Variants in LGALS8 observed in about 807,000 individuals in gnomAD.
LGALS8 encodes the protein galectin-8.
A neutral mutation model predicts 35.9 loss-of-function variants in LGALS8; 30 were observed. The observed-to-expected ratio is 0.83, with a 90% CI of 0.62 to 1.13. The LOEUF (loss-of-function observed/expected upper bound fraction) is 1.13, where lower values mean the gene tolerates loss of function less well. LGALS8 is among the 50% of genes most tolerant of loss of function. LGALS8 has a pLI of 0.00. For synonymous variants in LGALS8, 138 were observed against 136.1 expected, an observed-to-expected ratio of 1.01 and a Z score of -0.10; for missense variants, 366 against 388.7, an observed-to-expected ratio of 0.94 and a Z score of 0.49.
upstream of LGALS8, among the ~76,000 whole-genome samples, chr1:236,522,200 C>T (rs1188967544): frequency 6.6e-6 from 1 of 152,214 alleles, no homozygotes; most frequent in African/African-American, 2.4e-5. Flanking sequence ...GTTAACTCTG[C>T]TCTCTGGCCC....
chr1:236,535,382 AGT>A (rs1300993928), intron 2 of LGALS8, among the ~76,000 whole-genome samples: 1 of 152,000 alleles, frequency 6.6e-6, no homozygotes, highest in Admixed American at 6.6e-5. Context: ...TACAGGATAC[AGT>A]GTGTATTAGC....
intron 1 of LGALS8, among the ~76,000 whole-genome samples, 153 bp from the exon 2 acceptor site, chr1:236,525,815 C>T (rs1397249906): frequency 6.6e-6 from 1 of 152,130 alleles, no homozygotes; most frequent in Non-Finnish European, 1.5e-5. Flanking sequence ...TATGAGCACA[C>T]TGGTAAGAAT....
chr1:236,529,583 A>G (rs1169262557), intron 2 of LGALS8, among the ~76,000 whole-genome samples: 1 of 147,506 alleles, frequency 6.8e-6, no homozygotes, highest in African/African-American at 2.5e-5. Context: ...CTTCATCTCA[A>G]AAAAAAAAAA....
upstream of LGALS8, among the ~76,000 whole-genome samples, chr1:236,520,740 G>A (rs1301213301): frequency 6.6e-6 from 1 of 152,138 alleles, no homozygotes; most frequent in Non-Finnish European, 1.5e-5. Flanking sequence ...GGCTGTCCGA[G>A]GTGATTTTCT....
At chr1:236,533,176 C>G (rs559227803) in intron 2 of LGALS8, among the ~76,000 whole-genome samples, 25 of 152,298 alleles carry the variant, frequency 1.6e-4, no homozygotes, top group African/African-American at 5.8e-4. Context: ...GAAGATGGGT[C>G]TTGTCTTTTC....
intron 2 of LGALS8, among the ~76,000 whole-genome samples, chr1:236,537,093 T>C (rs1004710521): frequency 2.0e-5 from 3 of 148,694 alleles, no homozygotes; most frequent in Non-Finnish European, 4.4e-5. Context: ...CTCGGCTCAC[T>C]GCAAGCTCCG....
chr1:236,529,933 G>A (rs1661055636), intron 2 of LGALS8, among the ~76,000 whole-genome samples: 4 of 152,196 alleles, frequency 2.6e-5, no homozygotes. Context: ...GATTATAGGC[G>A]TGAACCACCG....
Position 236,552,465 on chromosome 1 carries a change from C to T in LGALS8, c.*4304C>T, listed in dbSNP as rs577885974. On this transcript the variant is annotated 3_prime_UTR_variant, in exon 10 of 10. Coordinates refer to ENST00000366584, the MANE Select transcript of LGALS8 (RefSeq NM_201544.4). ...TACTTCATTGGCGCTCGCCAGCCCG[C>T]CAGGCTGGCAATAAAGTGCCTCCAG... The T allele has an allele frequency of 1.5e-4, 25 of 163,750 alleles. No homozygotes were observed. Among genetic ancestry groups the T allele is most frequent in the African/African-American group, 6.0e-4 (25 of 41,614 alleles). 10.1% of individuals were successfully genotyped at this position (163,750 alleles called of 1,614,324 possible).
chr1:236,537,676 G>C, intron 3 of LGALS8, 91 bp downstream of exon 3: 2 of 938,706 alleles, frequency 2.1e-6, no homozygotes, highest in South Asian at 2.7e-5. Flanking sequence ...GAGACCATTT[G>C]ATACTTTGAG....
At chr1:236,521,283 T>C (rs182289428), upstream of LGALS8, among the ~76,000 whole-genome samples, 30 of 152,228 alleles carry the variant, frequency 2.0e-4, 1 homozygote, top group East Asian at 5.6e-3. Flanking sequence ...ATTTTAAATA[T>C]TGGTGGTCAG....
chr1:236,548,904 G>C lies in LGALS8; in HGVS notation c.*743G>C, dbSNP rs1662577706. 1.3e-5 allele frequency: 5 copies of C among 398,602 alleles called. No homozygotes were observed. The highest frequency in any genetic ancestry group is 2.2e-5 in the Non-Finnish European group (5 of 226,048). 24.7% of individuals were successfully genotyped at this position (398,602 alleles called of 1,614,324 possible). On this transcript the variant is annotated 3_prime_UTR_variant, in exon 10 of 10. Transcript: ENST00000366584. Reference sequence around the variant, plus strand: ...AAATACATGGTGCTGAAATTAACTTGATGCCAAGCCCAAGGCAGCTGATTT... The same window carrying C: ...AAATACATGGTGCTGAAATTAACTTCATGCCAAGCCCAAGGCAGCTGATTT...
chr1:236,545,801 C>A (rs1299083503), intron 9 of LGALS8, among the ~76,000 whole-genome samples: 2 of 152,044 alleles, frequency 1.3e-5, no homozygotes, highest in Non-Finnish European at 2.9e-5. Flanking sequence ...GTTTGGAATT[C>A]AGAAAGCTGG....
chr1:236,540,178 T>A (rs1358311690), intron 4 of LGALS8: 1 of 180,132 alleles, frequency 5.6e-6, no homozygotes, highest in Non-Finnish European at 1.1e-5. Flanking sequence ...CCAGGGACAG[T>A]GTTGTGGGGA....
At chr1:236,529,053 A>G (rs888009505) in intron 2 of LGALS8, among the ~76,000 whole-genome samples, 2 of 152,126 alleles carry the variant, frequency 1.3e-5, no homozygotes, top group Non-Finnish European at 2.9e-5. Context: ...AGGCTAGTGG[A>G]TCACTTGAGC....
At position 236,548,801 on chromosome 1, in the gene LGALS8, T is replaced by G. The variant is rs866128273; in HGVS notation, c.*640T>G. 2.5e-6 allele frequency: 1 copy of G among 396,896 alleles called. No homozygotes were observed. The highest frequency in any genetic ancestry group is 6.3e-4 in the Middle Eastern group (1 of 1,578). 24.6% of individuals were successfully genotyped at this position (396,896 alleles called of 1,614,324 possible). A position where few individuals can be genotyped will look rare whatever the true frequency, so the allele number is the denominator to read the frequency against. ...TTCTTTATCGTAATAAACATGTGGC[T>G]CTATTAGCTGCAAGCTTTACCAAGT... is the stretch of plus-strand genomic sequence containing the variant. On this transcript the variant is annotated 3_prime_UTR_variant, in exon 10 of 10. Transcript: ENST00000366584.
In LGALS8 at chr1:236,550,773, A is replaced by G; in HGVS notation, c.*2612A>G. 2 of 685,362 alleles carry G rather than the reference A, an allele frequency of 2.9e-6. No individual in the cohort carries two copies. Among genetic ancestry groups the G allele is most frequent in the South Asian group, 2.1e-5 (1 of 47,718 alleles). 42.5% of individuals were successfully genotyped at this position (685,362 alleles called of 1,614,324 possible). ...GGTGGGGATTTTGTAAAGAAGTGAT[A>G]AAACATTTGTAAGTAATCCAAGTAG... On this transcript the variant is annotated 3_prime_UTR_variant, in exon 10 of 10. Coordinates refer to ENST00000366584, the MANE Select transcript of LGALS8 (RefSeq NM_201544.4).
At chr1:236,535,962 G>C (rs529123300) in intron 2 of LGALS8, among the ~76,000 whole-genome samples, 1 of 152,296 alleles carries the variant, frequency 6.6e-6, no homozygotes, top group African/African-American at 2.4e-5. Context: ...CTCTTGACCT[G>C]TGTCCTGGGG....
intron 1 of LGALS8, chr1:236,525,385 A>T (rs953040629): frequency 6.7e-6 from 1 of 148,416 alleles, no homozygotes; most frequent in Non-Finnish European, 1.5e-5. Flanking sequence ...TTTGATTAGT[A>T]TTTACCATTA....
At position 236,543,581 on chromosome 1, in the gene LGALS8, T is replaced by C; in HGVS notation, c.571T>C (p.Leu191=). Residue 191 remains leucine (L), a synonymous_variant, in exon 8 of 10, where the codon TTG becomes CTG. Transcript: ENST00000366584. ...PQLRLPFAAR[L]NTPMGPGRTV... is the part of the protein sequence containing the mutation. The stretch of plus-strand genomic sequence containing the variant: ...TCAGAGGCTGCCATTCGCTGCAAGG[T>C]TGAACACCCCCATGGGCCCTGGACG... The C allele has an allele frequency of 6.2e-7, 1 of 1,613,984 alleles. No individual in the cohort carries two copies. The highest frequency in any genetic ancestry group is 1.3e-5 in the African/African-American group (1 of 74,988).
Sources: allele counts gnomAD v4.1 joint callset (sites outside exome capture counted in the v4.1 genomes callset), GRCh38; gene constraint gnomAD v4.1.1; transcripts MANE v1.5; gene names NCBI Gene and HGNC (gene_info 2026-07-23, HGNC 2026-07-21).